The following PGCKA1 variants were observed in gnomAD, a reference collection of about 807,000 sequenced individuals.
PGCKA1 encodes the protein PDCD10 and GCKIII kinases associated 1.
At chr4:37,563,846 G>A in the PGCKA1 span, among the ~76,000 whole-genome samples, 68,970 of 152,006 alleles carry the variant, frequency 0.45, 16,490 homozygotes, top group South Asian at 0.54. Flanking sequence ...CCCAGATACA[G>A]CTACTTAGCA....
chr4:37,583,294 TCTGC>T, the PGCKA1 span, among the ~76,000 whole-genome samples: 2 of 152,212 alleles, frequency 1.3e-5, no homozygotes, highest in East Asian at 3.9e-4. Flanking sequence ...AGTTAATTTC[TCTGC>T]CTGGCTGGAG....
At chr4:37,548,001 C>CAAA in the PGCKA1 span, among the ~76,000 whole-genome samples, 19,582 of 114,614 alleles carry the variant, frequency 0.17, 1,616 homozygotes, top group East Asian at 0.43. Flanking sequence ...TGGTTATCTT[C>CAAA]AAAAAAAAAA....
the PGCKA1 span, among the ~76,000 whole-genome samples, chr4:37,502,561 T>A: frequency 6.6e-6 from 1 of 152,010 alleles, no homozygotes; most frequent in Non-Finnish European, 1.5e-5. Flanking sequence ...CTAACTGAAA[T>A]GGCAATACAG....
chr4:37,533,044 A>G, the PGCKA1 span, among the ~76,000 whole-genome samples: 1 of 152,210 alleles, frequency 6.6e-6, no homozygotes, highest in African/African-American at 2.4e-5. Flanking sequence ...TGCACCAAAA[A>G]TCTCACAAAT....
chr4:37,544,420 T>G, the PGCKA1 span, among the ~76,000 whole-genome samples: 1 of 152,058 alleles, frequency 6.6e-6, no homozygotes, highest in African/African-American at 2.4e-5. Context: ...AATTATTTTG[T>G]GACGAATTCC....
At chr4:37,520,128 A>G in the PGCKA1 span, among the ~76,000 whole-genome samples, 33 of 152,188 alleles carry the variant, frequency 2.2e-4, no homozygotes, top group Non-Finnish European at 3.4e-4. Flanking sequence ...ATCATGATGA[A>G]TGATCTTTCT....
the PGCKA1 span, among the ~76,000 whole-genome samples, chr4:37,577,643 G>C: frequency 6.6e-6 from 1 of 151,916 alleles, no homozygotes; most frequent in Non-Finnish European, 1.5e-5. Flanking sequence ...TGCATTTTAG[G>C]TTATTTATTC....
the PGCKA1 span, among the ~76,000 whole-genome samples, chr4:37,463,133 A>C: frequency 4.6e-5 from 7 of 152,124 alleles, no homozygotes; most frequent in African/African-American, 1.7e-4. Context: ...GCTGGGACCC[A>C]TGTCTATAAC....
the PGCKA1 span, among the ~76,000 whole-genome samples, chr4:37,580,587 C>A: frequency 6.6e-6 from 1 of 152,200 alleles, no homozygotes; most frequent in East Asian, 1.9e-4. Flanking sequence ...GATTACCGGG[C>A]AGACTCTTGT....
chr4:37,563,122 C>G, the PGCKA1 span, among the ~76,000 whole-genome samples: 1 of 151,738 alleles, frequency 6.6e-6, no homozygotes, highest in Middle Eastern at 3.2e-3. Flanking sequence ...AGTCTTGAGT[C>G]CGGAAAAACA....
the PGCKA1 span, among the ~76,000 whole-genome samples, chr4:37,483,282 C>T: frequency 6.6e-6 from 1 of 152,164 alleles, no homozygotes; most frequent in Non-Finnish European, 1.5e-5. Flanking sequence ...GTCAATTAAA[C>T]CTCTTTTCTT....
chr4:37,480,483 A>T, the PGCKA1 span, among the ~76,000 whole-genome samples: 1 of 151,418 alleles, frequency 6.6e-6, no homozygotes, highest in African/African-American at 2.4e-5. Context: ...GAGAAGCGAG[A>T]CTCCATTAAA....
the PGCKA1 span, among the ~76,000 whole-genome samples, chr4:37,531,037 T>A: frequency 6.6e-6 from 1 of 152,190 alleles, no homozygotes. Flanking sequence ...GGAAAGGAAG[T>A]AGCTCACCTG....
the PGCKA1 span, among the ~76,000 whole-genome samples, chr4:37,543,066 A>C: frequency 2.0e-5 from 3 of 152,182 alleles, no homozygotes; most frequent in African/African-American, 7.2e-5. Flanking sequence ...CTGGTCCCCA[A>C]ATCTCCAGGT....
At chr4:37,568,113 T>G in the PGCKA1 span, among the ~76,000 whole-genome samples, 1 of 152,092 alleles carries the variant, frequency 6.6e-6, no homozygotes, top group Middle Eastern at 3.2e-3. Flanking sequence ...TCAGCATTCC[T>G]ACAGTGGAAG....
chr4:37,504,520 G>T, the PGCKA1 span, among the ~76,000 whole-genome samples: 1 of 152,092 alleles, frequency 6.6e-6, no homozygotes, highest in Non-Finnish European at 1.5e-5. Flanking sequence ...GCATTGGGTA[G>T]TATGGACATT....
At chr4:37,519,948 T>C in the PGCKA1 span, among the ~76,000 whole-genome samples, 1 of 152,160 alleles carries the variant, frequency 6.6e-6, no homozygotes, top group East Asian at 1.9e-4. Flanking sequence ...ACCCCCAGTA[T>C]TTTTAGGGAT....
the PGCKA1 span, among the ~76,000 whole-genome samples, chr4:37,572,056 T>TC: frequency 8.7e-6 from 1 of 115,166 alleles, no homozygotes; most frequent in Non-Finnish European, 1.8e-5. Context: ...ACCTTTTTTT[T>TC]TTTTTTCTTT....
chr4:37,521,554 G>C, the PGCKA1 span, among the ~76,000 whole-genome samples: 1 of 152,124 alleles, frequency 6.6e-6, no homozygotes, highest in African/African-American at 2.4e-5. Flanking sequence ...CAGAAGGCTT[G>C]ATATTATTTC....
Sources: allele counts gnomAD v4.1 joint callset (sites outside exome capture counted in the v4.1 genomes callset), GRCh38; gene constraint gnomAD v4.1.1; transcripts MANE v1.5; gene names NCBI Gene and HGNC (gene_info 2026-07-23, HGNC 2026-07-21).